The following TPRG1 variants were observed in gnomAD, a reference collection of about 807,000 sequenced individuals.
TPRG1 encodes tumor protein p63-regulated gene 1 protein.
In TPRG1, 29 loss-of-function variants were observed where a neutral mutation model predicts 29.3. The ratio of observed to expected loss-of-function variants is 0.99; its 90% CI spans 0.74 to 1.35. TPRG1 has a LOEUF of 1.35. Among genes scored for constraint, TPRG1 ranks in the 40% most tolerant of loss-of-function variants. TPRG1 has a pLI of 0.00. For synonymous variants in TPRG1, 130 were observed against 116.8 expected (o/e 1.11, Z -0.73); for missense variants, 327 against 335.0 (o/e 0.98, Z 0.19).
Position 189,321,118 on chromosome 3 carries a change from C to G in TPRG1, c.*298C>G. 1 of 227,970 alleles carries G rather than the reference C, an allele frequency of 4.4e-6. No homozygotes were observed. Among genetic ancestry groups the G allele is most frequent in the Non-Finnish European group, 8.4e-6 (1 of 119,328 alleles). The allele number at this position is 227,970 out of a possible 1,614,324, so 14.1% of individuals were successfully genotyped here. A position where few individuals can be genotyped will look rare whatever the true frequency, so the allele number is the denominator to read the frequency against. ...CAACTCAGGAAAGAAGACTCTAAGT[C>G]CTGTTGCTTCAGCTCTCTAAATGTA... On this transcript the variant is annotated 3_prime_UTR_variant, in exon 6 of 6. Coordinates refer to ENST00000345063, the MANE Select transcript of TPRG1 (RefSeq NM_198485.4).
chr3:189,304,565 T>C (rs1269959831), intron 4 of TPRG1, among the ~76,000 whole-genome samples: 1 of 152,208 alleles, frequency 6.6e-6, no homozygotes, highest in African/African-American at 2.4e-5. Context: ...CCGATGGGTT[T>C]GGAACAGCCT....
intron 4 of TPRG1, among the ~76,000 whole-genome samples, chr3:189,088,743 A>G (rs1481535915): frequency 6.6e-6 from 1 of 152,200 alleles, no homozygotes; most frequent in African/African-American, 2.4e-5. Context: ...GAGAAATAAA[A>G]GACTTTGAAA....
intron 4 of TPRG1, among the ~76,000 whole-genome samples, chr3:189,292,936 G>T (rs1432453418): frequency 1.6e-4 from 25 of 152,090 alleles, no homozygotes; most frequent in Admixed American, 1.6e-3. Flanking sequence ...GGGTGTATTG[G>T]GCTGCTTTCT....
At chr3:189,124,276 C>G (rs1248537999) in intron 1 of TPRG1, among the ~76,000 whole-genome samples, 1 of 151,838 alleles carries the variant, frequency 6.6e-6, no homozygotes, top group Admixed American at 6.6e-5. Flanking sequence ...TTCCTTGTGG[C>G]AATAAAACAT....
intron 3 of TPRG1, among the ~76,000 whole-genome samples, chr3:189,234,275 C>G (rs1739109110): frequency 6.6e-6 from 1 of 152,100 alleles, no homozygotes; most frequent in African/African-American, 2.4e-5. Flanking sequence ...AGCTGCAAAC[C>G]TATGGATGGG....
chr3:189,256,954 A>G (rs916202484), intron 4 of TPRG1, among the ~76,000 whole-genome samples: 1 of 152,132 alleles, frequency 6.6e-6, no homozygotes, highest in Non-Finnish European at 1.5e-5. Context: ...TTGAATCTTT[A>G]TCTAATTTGC....
At chr3:189,118,917 T>A (rs1721501303) in intron 1 of TPRG1, among the ~76,000 whole-genome samples, 1 of 152,038 alleles carries the variant, frequency 6.6e-6, no homozygotes, top group Non-Finnish European at 1.5e-5. Context: ...TAACACAGAG[T>A]CCTCACTGGG....
intron 1 of TPRG1, among the ~76,000 whole-genome samples, chr3:189,199,909 CA>C (rs1411307744): frequency 6.6e-6 from 1 of 151,966 alleles, no homozygotes; most frequent in African/African-American, 2.4e-5. Context: ...AACAAACAAA[CA>C]AAAAAACAAT....
At chr3:189,015,741 G>A (rs1040218227) in intron 3 of TPRG1, among the ~76,000 whole-genome samples, 3 of 152,176 alleles carry the variant, frequency 2.0e-5, no homozygotes, top group South Asian at 2.1e-4. Flanking sequence ...GAGGGTGCAA[G>A]CCCCCCAGAC....
chr3:189,238,675 C>A, intron 3 of TPRG1, 58 bp from the exon 4 acceptor site: 1 of 1,427,782 alleles, frequency 7.0e-7, no homozygotes, highest in South Asian at 1.3e-5. Flanking sequence ...ATGTGAAGGT[C>A]ATTGCTTTTA....
chr3:189,264,502 T>C (rs1713697392), intron 4 of TPRG1, among the ~76,000 whole-genome samples: 1 of 152,074 alleles, frequency 6.6e-6, no homozygotes, highest in Non-Finnish European at 1.5e-5. Context: ...AGTTCAAATT[T>C]CCTGGATCCA....
chr3:189,221,358 T>C (rs1368114136), intron 3 of TPRG1, among the ~76,000 whole-genome samples: 1 of 152,180 alleles, frequency 6.6e-6, no homozygotes, highest in Non-Finnish European at 1.5e-5. Flanking sequence ...CAACCTGGTA[T>C]GTTGTCCTCA....
chr3:189,169,306 A>G (rs1161197190), upstream of TPRG1, among the ~76,000 whole-genome samples: 1 of 152,090 alleles, frequency 6.6e-6, no homozygotes, highest in Admixed American at 6.6e-5. Context: ...CTGGGATTAC[A>G]GGGGCCCGCC....
intron 4 of TPRG1, among the ~76,000 whole-genome samples, chr3:189,259,384 A>T (rs1157367241): frequency 6.6e-6 from 1 of 151,272 alleles, no homozygotes; most frequent in East Asian, 1.9e-4. Context: ...GAAATGCAGA[A>T]ATCACCCCTT....
chr3:189,190,852 C>T (rs780612310), intron 1 of TPRG1: 2 of 456,458 alleles, frequency 4.4e-6, no homozygotes, highest in Non-Finnish European at 5.8e-6. Flanking sequence ...ATCCATATTC[C>T]TACTCCCCTC....
chr3:189,001,647 G>A (rs1448023561), intron 2 of TPRG1, among the ~76,000 whole-genome samples: 1 of 152,124 alleles, frequency 6.6e-6, no homozygotes, highest in African/African-American at 2.4e-5. Flanking sequence ...GATTTTGAGG[G>A]ACACAAACAT....
In TPRG1 at chr3:189,324,475, AC is replaced by A. The variant is rs1488193295; in HGVS notation, c.*3656del. ...TTTTGAAATGAGAAAACAATAGGGC[AC>A]AGTCGTTTGGGAAGAATTTCCAGAA... On this transcript the variant is annotated 3_prime_UTR_variant, in exon 6 of 6. Coordinates refer to ENST00000345063, the MANE Select transcript of TPRG1 (RefSeq NM_198485.4). The A allele has an allele frequency of 6.6e-6, 1 of 152,202 alleles. No individual in the cohort carries two copies. Among genetic ancestry groups the A allele is most frequent in the African/African-American group, 2.4e-5 (1 of 41,452 alleles). 9.4% of individuals were successfully genotyped at this position (152,202 alleles called of 1,614,324 possible).
intron 1 of TPRG1, among the ~76,000 whole-genome samples, chr3:189,103,809 C>T (rs1402374250): frequency 2.0e-5 from 3 of 152,158 alleles, no homozygotes; most frequent in Non-Finnish European, 4.4e-5. Context: ...TCTGCTGTTT[C>T]TCATCATGTC....
chr3:189,207,118 C>G (rs764319274), intron 1 of TPRG1: 1 of 955,410 alleles, frequency 1.0e-6, no homozygotes, highest in African/African-American at 1.8e-5. Flanking sequence ...AGGTTCCTGT[C>G]TCCTGGGATT....
Sources: gnomAD v4.1 joint callset for allele counts (sites outside exome capture counted in the v4.1 genomes callset) on GRCh38, gnomAD v4.1.1 for gene constraint, MANE v1.5 for transcripts, NCBI Gene and HGNC (gene_info 2026-07-23, HGNC 2026-07-21) for gene names.